The following EFHC2 variants were observed in gnomAD, a reference collection of about 807,000 sequenced individuals.
The protein encoded by EFHC2 is EF-hand domain containing 2.
A neutral mutation model predicts 52.7 loss-of-function variants in EFHC2; 18 were observed. The ratio of observed to expected loss-of-function variants is 0.34; its 90% CI spans 0.24 to 0.51. EFHC2 has a LOEUF of 0.51. Among genes scored for constraint, EFHC2 ranks in the 20% least tolerant of loss-of-function variants. The pLI, the probability that EFHC2 is intolerant of heterozygous loss-of-function variation, is 0.97. For missense variants in EFHC2, 513 were observed against 562.5 expected (o/e 0.91, Z 0.89); for synonymous variants, 203 against 204.1 (o/e 0.99, Z 0.04).
intron 11 of EFHC2, among the ~76,000 whole-genome samples, chrX:44,187,500 T>C (rs1385942486): frequency 9.0e-6 from 1 of 110,588 alleles, no homozygotes; most frequent in Non-Finnish European, 1.9e-5. Context: ...AGCATCTATA[T>C]GCATAAACAT....
intron 2 of EFHC2, among the ~76,000 whole-genome samples, chrX:44,308,430 G>GA (rs1366832496): frequency 8.4e-5 from 9 of 107,017 alleles, no homozygotes; most frequent in Non-Finnish European, 1.4e-4. Flanking sequence ...AAAAAAAAAA[G>GA]AAAAAAAAAC....
intron 4 of EFHC2, among the ~76,000 whole-genome samples, chrX:44,259,369 G>A (rs1004723511): frequency 9.1e-6 from 1 of 109,736 alleles, no homozygotes; most frequent in Non-Finnish European, 1.9e-5. Flanking sequence ...GACACAGGGA[G>A]GGGAACATCA....
intron 11 of EFHC2, among the ~76,000 whole-genome samples, chrX:44,229,328 C>G (rs888605322): frequency 3.6e-5 from 4 of 111,630 alleles, no homozygotes; most frequent in African/African-American, 1.3e-4. Flanking sequence ...CTTAGCGGTG[C>G]TTTTTTCTGT....
At chrX:44,248,493 T>C (rs2037417316) in intron 6 of EFHC2, 83 bp from the exon 7 acceptor site, 2 of 1,045,984 alleles carry the variant, frequency 1.9e-6, no homozygotes, top group Admixed American at 3.5e-5. Context: ...AAAAAGGAAA[T>C]TAAAAATAAA....
chrX:44,154,058 G>C (rs966828802), intron 14 of EFHC2, among the ~76,000 whole-genome samples: 1 of 112,712 alleles, frequency 8.9e-6, no homozygotes, highest in Non-Finnish European at 1.9e-5. Flanking sequence ...CTGTAAAACA[G>C]ATTCTCCTGG....
At chrX:44,213,453 A>G (rs777758278) in intron 11 of EFHC2, among the ~76,000 whole-genome samples, 3 of 112,063 alleles carry the variant, frequency 2.7e-5, no homozygotes, top group African/African-American at 9.7e-5. Context: ...CTAGTTTTAT[A>G]TACTTAAAGG....
At chrX:44,245,841 T>C (rs1483158808) in intron 7 of EFHC2, among the ~76,000 whole-genome samples, 3 of 111,483 alleles carry the variant, frequency 2.7e-5, no homozygotes, top group Non-Finnish European at 5.7e-5. Context: ...CCCCAAAATA[T>C]GTTGGGGTGT....
intron 11 of EFHC2, among the ~76,000 whole-genome samples, chrX:44,216,136 T>C (rs1300438247): frequency 8.9e-6 from 1 of 112,587 alleles, no homozygotes; most frequent in Non-Finnish European, 1.9e-5. Flanking sequence ...GGCATTGATG[T>C]ATGCTGTTCC....
chrX:44,307,366 TTTC>T (rs1299373809), intron 2 of EFHC2, among the ~76,000 whole-genome samples: 2 of 112,239 alleles, frequency 1.8e-5, no homozygotes, highest in Non-Finnish European at 1.9e-5. Flanking sequence ...TTTTTTTGGC[TTTC>T]TTCATTTTAA....
At chrX:44,318,488 A>T (rs1428917876) in intron 1 of EFHC2, among the ~76,000 whole-genome samples, 5 of 111,612 alleles carry the variant, frequency 4.5e-5, no homozygotes, top group African/African-American at 1.6e-4. Flanking sequence ...ACAAAATGCC[A>T]CTGAATTGTA....
At chrX:44,152,311 A>C (rs2036576015) in intron 14 of EFHC2, among the ~76,000 whole-genome samples, 1 of 111,695 alleles carries the variant, frequency 9.0e-6, no homozygotes, top group Non-Finnish European at 1.9e-5. Flanking sequence ...AGATTGTCTC[A>C]AGTCAAACCT....
chrX:44,310,175 G>T, intron 2 of EFHC2: 2 of 704,772 alleles, frequency 2.8e-6, no homozygotes, highest in East Asian at 3.2e-5. Context: ...CGGTGGTCCA[G>T]AAGGAAGCCT....
At chrX:44,331,266 A>G (rs2038084749) in intron 1 of EFHC2, among the ~76,000 whole-genome samples, 1 of 112,434 alleles carries the variant, frequency 8.9e-6, no homozygotes, top group Non-Finnish European at 1.9e-5. Flanking sequence ...AGTGGAAAAA[A>G]CAAATTCCAA....
In EFHC2 at chrX:44,235,330, C is replaced by G; in HGVS notation, c.1398G>C (p.Val466=). The change falls in exon 9 of 15, where the codon GTG becomes GTC. Residue 466 remains valine, a synonymous_variant. Coordinates refer to ENST00000420999, the MANE Select transcript of EFHC2 (RefSeq NM_025184.4). ...SYYLGDDTIS[V]FEPIERNSGI... ...CTGAATTCCTCTCTATAGGTTCAAA[C>G]ACTGAAATGGTGTCATCACCGAGAT... The G allele has an allele frequency of 2.5e-6, 3 of 1,183,736 alleles. No individual in the cohort carries two copies. The highest frequency in any genetic ancestry group is 3.4e-6 in the Non-Finnish European group (3 of 880,797).
At chrX:44,199,397 T>C (rs1241664758) in intron 11 of EFHC2, among the ~76,000 whole-genome samples, 2 of 112,871 alleles carry the variant, frequency 1.8e-5, no homozygotes, top group African/African-American at 3.2e-5. Context: ...TAACATTTTT[T>C]CTTTATACAT....
rs2037321991 is a variant in EFHC2 at position 44,236,599 on chromosome X, A to G, written c.1281-1152T>C. ...TCTCTGCTCCTTTCTCAGGCTGTAC[A>G]AGAATCCGGGCTGAAAAAGGATAGC... On this transcript the variant is annotated intron_variant, in intron 8 of 14. Transcript: ENST00000420999. Among the ~76,000 whole-genome samples the G allele has an allele frequency of 2.7e-5, 3 of 112,416 alleles. No individual in the cohort carries two copies. The Admixed American group carries it at 2.8e-4, about 11-fold the overall frequency.
intron 8 of EFHC2, among the ~76,000 whole-genome samples, chrX:44,237,646 C>T (rs1445555043): frequency 1.8e-5 from 2 of 111,750 alleles, no homozygotes; most frequent in Non-Finnish European, 3.8e-5. Context: ...ATGATCTCCA[C>T]GGTGCCAATT....
At chrX:44,339,622 C>T (rs1455329655) in intron 1 of EFHC2, among the ~76,000 whole-genome samples, 1 of 110,976 alleles carries the variant, frequency 9.0e-6, no homozygotes, top group Non-Finnish European at 1.9e-5. Flanking sequence ...GTAAGGGGCA[C>T]ATAAGTTCCT....
chrX:44,288,417 T>TA lies in EFHC2; in HGVS notation c.232-15582dup, dbSNP rs1250169327. On this transcript the variant is annotated intron_variant, in intron 2 of 14. Coordinates refer to ENST00000420999, the MANE Select transcript of EFHC2 (RefSeq NM_025184.4). ...GGGGAAAAAAGTAAAAAGTAAAAAT[T>TA]AAAAAAAAAAACACACAAAGAGGGA... is the stretch of plus-strand genomic sequence containing the variant. Among the ~76,000 whole-genome samples, 96 of 103,910 alleles carry TA rather than the reference T, an allele frequency of 9.2e-4. 1 individual carries two copies. Among genetic ancestry groups the TA allele is most frequent in the South Asian group, 8.5e-3 (21 of 2,457 alleles). 90.2% of individuals were successfully genotyped at this position (103,910 alleles called of 115,157 possible). A position where few individuals can be genotyped will look rare whatever the true frequency, so the allele number is the denominator to read the frequency against.
Sources: gnomAD v4.1 joint callset for allele counts (sites outside exome capture counted in the v4.1 genomes callset) on GRCh38, gnomAD v4.1.1 for gene constraint, MANE v1.5 for transcripts, NCBI Gene and HGNC (gene_info 2026-07-23, HGNC 2026-07-21) for gene names.